The following C10orf53 variants were observed in gnomAD, a reference collection of about 807,000 sequenced individuals.
The protein encoded by C10orf53 is chromosome 10 open reading frame 53.
C10orf53 carries 8 observed loss-of-function variants against 9.4 expected under a neutral mutation model. That is an observed-to-expected ratio of 0.85 (90% CI 0.50 to 1.53). C10orf53 has a LOEUF of 1.53. Ranked by LOEUF, C10orf53 falls within the 40% of genes most tolerant of loss-of-function variation. The probability of loss-of-function intolerance (pLI) is 0.00; values close to 1 mark genes in which losing one functional copy is unlikely to be tolerated. For missense variants in C10orf53, 117 were observed against 117.8 expected (o/e 0.99, Z 0.03); for synonymous variants, 48 against 46.0 (o/e 1.04, Z -0.18).
At chr10:49,685,785 GT>G (rs375119955) in intron 1 of C10orf53, among the ~76,000 whole-genome samples, 100 of 152,266 alleles carry the variant, frequency 6.6e-4, no homozygotes, top group African/African-American at 2.3e-3. Flanking sequence ...TTGACAATTT[GT>G]TTATAATGTG....
chr10:49,701,859 TG>T (rs1183821615), downstream of C10orf53, among the ~76,000 whole-genome samples: 1 of 152,174 alleles, frequency 6.6e-6, no homozygotes, highest in African/African-American at 2.4e-5. Context: ...CTTTGTGCTC[TG>T]GATAAGAAGG....
chr10:49,683,002 T>C (rs1840494960), intron 1 of C10orf53, among the ~76,000 whole-genome samples: 1 of 152,270 alleles, frequency 6.6e-6, no homozygotes, highest in Non-Finnish European at 1.5e-5. Flanking sequence ...TGTTTCCACC[T>C]TTCCGCTACT....
chr10:49,679,869 G>A, intron 1 of C10orf53, 75 bp downstream of exon 1: 1 of 1,344,016 alleles, frequency 7.4e-7, no homozygotes, highest in Non-Finnish European at 9.8e-7. Context: ...CCTGTGCCTA[G>A]GCCTTCCTCA....
At chr10:49,697,673 T>C (rs1840647519), downstream of C10orf53, among the ~76,000 whole-genome samples, 1 of 152,104 alleles carries the variant, frequency 6.6e-6, no homozygotes, top group Non-Finnish European at 1.5e-5. Context: ...TGCCTCAGCC[T>C]CCTGAACAGC....
intron 1 of C10orf53, among the ~76,000 whole-genome samples, chr10:49,682,734 T>G (rs1413745647): frequency 6.6e-6 from 1 of 152,186 alleles, no homozygotes; most frequent in African/African-American, 2.4e-5. Context: ...CACAGAGTGC[T>G]GATTGGTGCA....
At chr10:49,683,182 C>G (rs952599138) in intron 1 of C10orf53, among the ~76,000 whole-genome samples, 5 of 152,196 alleles carry the variant, frequency 3.3e-5, no homozygotes, top group African/African-American at 1.2e-4. Flanking sequence ...TAGCAATGCA[C>G]AAGGATTTCA....
In C10orf53 at chr10:49,694,750, C is replaced by G; in HGVS notation, c.*148C>G. The stretch of plus-strand genomic sequence containing the variant: ...ACTCGGGCCTGACCTCCAGCTTACG[C>G]AGCCTCAGGATTGTCACCTGGCTGC... On this transcript the variant is annotated 3_prime_UTR_variant, in exon 3 of 3. Transcript: ENST00000374111. The G allele has an allele frequency of 2.8e-6, 4 of 1,449,158 alleles. No homozygotes were observed. Among genetic ancestry groups the G allele is most frequent in the South Asian group, 3.0e-5 (2 of 66,968 alleles). 89.8% of individuals were successfully genotyped at this position (1,449,158 alleles called of 1,614,324 possible). A position where few individuals can be genotyped will look rare whatever the true frequency, so the allele number is the denominator to read the frequency against.
downstream of C10orf53, among the ~76,000 whole-genome samples, chr10:49,699,642 G>A (rs1273945358): frequency 6.6e-6 from 1 of 152,156 alleles, no homozygotes; most frequent in Non-Finnish European, 1.5e-5. Context: ...CCTTTGGTCT[G>A]AGAGTCATTT....
intron 2 of C10orf53, chr10:49,694,190 C>A (rs866719549): frequency 5.1e-6 from 3 of 583,628 alleles, no homozygotes; most frequent in South Asian, 4.7e-5. Context: ...GGTTTTTGTA[C>A]TTTAATAATA....
At chr10:49,690,406 T>G (rs1840572566) in intron 1 of C10orf53, among the ~76,000 whole-genome samples, 1 of 152,178 alleles carries the variant, frequency 6.6e-6, no homozygotes, top group East Asian at 1.9e-4. Context: ...CAGGCCCTCC[T>G]CTGTAAAATC....
chr10:49,704,111 T>A (rs964704649), intron 2 of C10orf53, among the ~76,000 whole-genome samples: 1 of 152,050 alleles, frequency 6.6e-6, no homozygotes, highest in South Asian at 2.1e-4. Flanking sequence ...TTTCATAAAC[T>A]TGGAAGAAAG....
chr10:49,690,745 T>C (rs1021562642), intron 1 of C10orf53, among the ~76,000 whole-genome samples: 80 of 152,154 alleles, frequency 5.3e-4, no homozygotes, highest in African/African-American at 1.8e-3. Context: ...ATCCATAAAA[T>C]AGAATCCACC....
intron 1 of C10orf53, among the ~76,000 whole-genome samples, chr10:49,684,153 T>C (rs1371670584): frequency 2.6e-5 from 4 of 152,264 alleles, no homozygotes; most frequent in African/African-American, 9.6e-5. Context: ...ATCAACTGAC[T>C]GTTCATTCAC....
chr10:49,681,543 T>G (rs1840478978), intron 1 of C10orf53, among the ~76,000 whole-genome samples: 1 of 152,236 alleles, frequency 6.6e-6, no homozygotes, highest in Non-Finnish European at 1.5e-5. Flanking sequence ...CCTCCATGTT[T>G]GTATTTGTCT....
chr10:49,706,150 T>C (rs1165818658), intron 2 of C10orf53, among the ~76,000 whole-genome samples: 2 of 152,206 alleles, frequency 1.3e-5, no homozygotes, highest in African/African-American at 4.8e-5. Context: ...ACACTGCTGG[T>C]GAAATGTCAG....
intron 1 of C10orf53, 111 bp downstream of exon 1, chr10:49,679,905 AG>A: frequency 2.0e-6 from 2 of 997,144 alleles, no homozygotes; most frequent in South Asian, 1.9e-5. Flanking sequence ...CCACCTCTCC[AG>A]GAAGTCTTCC....
chr10:49,688,181 C>A (rs139457668), intron 1 of C10orf53, among the ~76,000 whole-genome samples: 2 of 152,144 alleles, frequency 1.3e-5, no homozygotes, highest in Non-Finnish European at 2.9e-5. Flanking sequence ...CTCACCCCCA[C>A]CAGCAGCTCT....
intron 1 of C10orf53, among the ~76,000 whole-genome samples, chr10:49,692,248 G>C (rs904149589): frequency 2.0e-5 from 3 of 152,208 alleles, no homozygotes; most frequent in Non-Finnish European, 2.9e-5. Flanking sequence ...AAAGATGCAG[G>C]CATTTTTTTA....
intron 1 of C10orf53, among the ~76,000 whole-genome samples, chr10:49,685,995 G>T (rs997293029): frequency 6.6e-6 from 1 of 152,034 alleles, no homozygotes; most frequent in African/African-American, 2.4e-5. Context: ...CATCCCACAG[G>T]TCTCCAGGGC....
Sources: gnomAD v4.1 joint callset for allele counts (sites outside exome capture counted in the v4.1 genomes callset) on GRCh38, gnomAD v4.1.1 for gene constraint, MANE v1.5 for transcripts, NCBI Gene and HGNC (gene_info 2026-07-23, HGNC 2026-07-21) for gene names.